The following RNGTT variants were observed in gnomAD, a reference collection of about 807,000 sequenced individuals.
RNGTT encodes the protein RNA guanylyltransferase and 5'-phosphatase.
A neutral mutation model predicts 79.3 loss-of-function variants in RNGTT; 33 were observed. That is an observed-to-expected ratio of 0.42 (90% CI 0.32 to 0.56). RNGTT has a LOEUF of 0.56. Ranked by LOEUF, RNGTT falls within the 20% of genes least tolerant of loss-of-function variation. The probability of loss-of-function intolerance (pLI) is 0.17; values close to 1 mark genes in which losing one functional copy is unlikely to be tolerated. For missense variants in RNGTT, 497 were observed against 739.1 expected, an observed-to-expected ratio of 0.67 and a Z score of 3.80; for synonymous variants, 222 against 235.9, an observed-to-expected ratio of 0.94 and a Z score of 0.54.
rs1349211125 is a variant in RNGTT at position 88,885,042 on chromosome 6, T to C, written c.896+5453A>G. Among the ~76,000 whole-genome samples, 4 of 151,628 alleles carry C rather than the reference T, an allele frequency of 2.6e-5. No individual in the cohort carries two copies. In the East Asian group the frequency reaches 5.8e-4, roughly 22 times the overall value. ...AAGTATCAGTACGAACTCGTGATTT[T>C]GAAAAAAAAATGTATGCATACACAT... On this transcript the variant is annotated intron_variant, in intron 8 of 15. Coordinates refer to ENST00000369485, the MANE Select transcript of RNGTT (RefSeq NM_003800.5).
intron 4 of RNGTT, among the ~76,000 whole-genome samples, chr6:88,906,677 CTG>C (rs1783664448): frequency 6.6e-6 from 1 of 152,114 alleles, no homozygotes; most frequent in South Asian, 2.1e-4. Context: ...TGATGTAAAA[CTG>C]TCTCTACTGT....
At chr6:88,941,276 C>T (rs948819691) in intron 1 of RNGTT, 96 bp from the exon 2 acceptor site, 3 of 831,400 alleles carry the variant, frequency 3.6e-6, no homozygotes, top group African/African-American at 3.5e-5. Context: ...TTCTTAAAAC[C>T]TTTTTTTTTG....
chr6:88,664,899 C>T (rs1047519751), intron 14 of RNGTT, among the ~76,000 whole-genome samples: 1 of 152,192 alleles, frequency 6.6e-6, no homozygotes, highest in East Asian at 1.9e-4. Flanking sequence ...CCGGTCGCCC[C>T]CTTGTCTAAA....
At chr6:88,789,154 T>C (rs1016645805) in intron 12 of RNGTT, among the ~76,000 whole-genome samples, 5 of 152,160 alleles carry the variant, frequency 3.3e-5, no homozygotes, top group Admixed American at 1.3e-4. Context: ...GCACGGTGAC[T>C]TACACCTGTA....
intron 8 of RNGTT, among the ~76,000 whole-genome samples, chr6:88,878,751 AG>A (rs2127925948): frequency 6.6e-6 from 1 of 152,366 alleles, no homozygotes; most frequent in Non-Finnish European, 1.5e-5. Flanking sequence ...GAAGAAAACT[AG>A]AGCCAAAAAG....
At chr6:88,824,689 C>T (rs977627708) in intron 11 of RNGTT, among the ~76,000 whole-genome samples, 1 of 151,442 alleles carries the variant, frequency 6.6e-6, no homozygotes, top group African/African-American at 2.4e-5. Flanking sequence ...AAAGAAAACA[C>T]ATATAAACAA....
rs71024314 is a variant in RNGTT, at chr6:88,901,495, C to CTTTTTTTTTTTTTTTTTTTTT, written c.684+3199_684+3219dup. ...AAAAATAACTGTCAAGCACCCTGAT[C>CTTTTTTTTTTTTTTTTTTTTT]TTTTTTTTTTTTTTTTTTTTTTTTT... On this transcript the variant is annotated intron_variant, in intron 6 of 15. Transcript: ENST00000369485. Among the ~76,000 whole-genome samples the CTTTTTTTTTTTTTTTTTTTTT allele has an allele frequency of 5.8e-4, 38 of 65,810 alleles. 7 individuals are homozygous for CTTTTTTTTTTTTTTTTTTTTT. Among genetic ancestry groups the CTTTTTTTTTTTTTTTTTTTTT allele is most frequent in the Non-Finnish European group, 6.6e-4 (24 of 36,368 alleles). 43.2% of individuals were successfully genotyped at this position (65,810 alleles called of 152,430 possible).
rs1409229542 is a variant in RNGTT at position 88,614,321 on chromosome 6, C to T, written c.1581G>A (p.Met527Ile). The T allele has an allele frequency of 6.2e-7, 1 of 1,613,894 alleles. No homozygotes were observed. The highest frequency in any genetic ancestry group is 1.7e-5 in the Admixed American group (1 of 60,024). ...CKFENNSWVF[M>I]RQRTDKSFPN... is the part of the protein sequence containing the mutation. ...GAAAACTTTTGTCTGTTCTCTGTCT[C>T]ATGAAGACCCAGCTGTTGTTCTCAA... The change falls in exon 15 of 16, where the codon ATG becomes ATA. Residue 527 changes from methionine to isoleucine, a missense_variant. Transcript: ENST00000369485.
At chr6:88,852,377 T>C (rs118132494) in intron 9 of RNGTT, among the ~76,000 whole-genome samples, 197 of 152,222 alleles carry the variant, frequency 1.3e-3, no homozygotes, top group South Asian at 0.01. Context: ...TTATTAATTA[T>C]AATGCTAAAA....
intron 11 of RNGTT, among the ~76,000 whole-genome samples, chr6:88,814,071 GTATTA>G (rs66680313): frequency 0.24 from 36,679 of 151,690 alleles, 4,981 homozygotes; most frequent in Non-Finnish European, 0.31. Flanking sequence ...TACATAGGCT[GTATTA>G]TCACAAGAGG....
chr6:88,891,684 C>T lies in RNGTT; in HGVS notation c.794+122G>A, dbSNP rs528615336. The T allele has an allele frequency of 1.1e-5, 6 of 538,310 alleles. No individual in the cohort carries two copies. The African/African-American group carries it at 1.2e-4, about 11-fold the overall frequency. 33.3% of individuals were successfully genotyped at this position (538,310 alleles called of 1,614,324 possible). On this transcript the variant is annotated intron_variant, in intron 7 of 15. Transcript: ENST00000369485. Reference sequence around the variant, plus strand: ...TGATTGTCTTGAACGAAATCTGACACCTTTAAAGTATTCTATTGCAAACAT... The same window carrying T: ...TGATTGTCTTGAACGAAATCTGACATCTTTAAAGTATTCTATTGCAAACAT...
chr6:88,773,390 C>A, intron 12 of RNGTT, among the ~76,000 whole-genome samples: 1 of 148,530 alleles, frequency 6.7e-6, no homozygotes. Flanking sequence ...TTAGTGGGTG[C>A]AGCGCACCAG....
chr6:88,806,903 T>G (rs549096478), intron 11 of RNGTT, among the ~76,000 whole-genome samples: 2 of 152,198 alleles, frequency 1.3e-5, no homozygotes, highest in Admixed American at 1.3e-4. Context: ...AATGGAATAC[T>G]ATGCAGCCAC....
chr6:88,834,849 TG>T (rs1781010330), intron 11 of RNGTT, among the ~76,000 whole-genome samples: 1 of 76,858 alleles, frequency 1.3e-5, no homozygotes, highest in African/African-American at 8.2e-5. Context: ...GAATGCCAAA[TG>T]AAATACATAA....
At chr6:88,678,750 T>C (rs1013897830) in intron 13 of RNGTT, among the ~76,000 whole-genome samples, 1 of 152,098 alleles carries the variant, frequency 6.6e-6, no homozygotes, top group African/African-American at 2.4e-5. Context: ...CACCTGTGAA[T>C]AGCCACTCCC....
At chr6:88,725,623 G>C (rs560543619) in intron 13 of RNGTT, among the ~76,000 whole-genome samples, 1 of 152,028 alleles carries the variant, frequency 6.6e-6, no homozygotes, top group Non-Finnish European at 1.5e-5. Context: ...TGGGGGGCGG[G>C]GTGTTGAACC....
chr6:88,927,962 T>A (rs1319210082), intron 4 of RNGTT, among the ~76,000 whole-genome samples: 1 of 152,112 alleles, frequency 6.6e-6, no homozygotes, highest in Non-Finnish European at 1.5e-5. Context: ...CTCAGCATTT[T>A]GAGAGGCCGT....
chr6:88,674,850 A>G (rs1295597691), intron 14 of RNGTT, among the ~76,000 whole-genome samples: 1 of 152,178 alleles, frequency 6.6e-6, no homozygotes, highest in East Asian at 1.9e-4. Context: ...TAATCCCAGT[A>G]CTGTGGGAGG....
chr6:88,696,638 T>C (rs1002496996), intron 13 of RNGTT, among the ~76,000 whole-genome samples: 2 of 136,212 alleles, frequency 1.5e-5, no homozygotes, highest in Non-Finnish European at 3.3e-5. Flanking sequence ...ACACACAAAA[T>C]GTGTAAAGTG....
Sources: allele counts gnomAD v4.1 joint callset (sites outside exome capture counted in the v4.1 genomes callset), GRCh38; gene constraint gnomAD v4.1.1; transcripts MANE v1.5; gene names NCBI Gene and HGNC (gene_info 2026-07-23, HGNC 2026-07-21).